The following ANKMY1 variants were observed in gnomAD, a reference collection of about 807,000 sequenced individuals.
ANKMY1 encodes the protein ankyrin repeat and MYND domain-containing protein 1.
In ANKMY1, 98 loss-of-function variants were observed where a neutral mutation model predicts 102.0. The observed-to-expected ratio is 0.96, with a 90% CI of 0.82 to 1.14. The LOEUF is 1.14. Ranked by LOEUF, ANKMY1 falls within the 50% of genes most tolerant of loss-of-function variation. The pLI, the probability that ANKMY1 is intolerant of heterozygous loss-of-function variation, is 0.00. For synonymous variants in ANKMY1, 582 were observed against 559.9 expected, an observed-to-expected ratio of 1.04 and a Z score of -0.56; for missense variants, 1,330 against 1,347.6, an observed-to-expected ratio of 0.99 and a Z score of 0.20.
the ANKMY1 span, among the ~76,000 whole-genome samples, chr2:240,470,402 C>CGCT: frequency 6.6e-6 from 1 of 152,236 alleles, no homozygotes; most frequent in Non-Finnish European, 1.5e-5. Flanking sequence ...GCTTCACAGA[C>CGCT]GCCAGGGCTG....
Position 240,500,011 on chromosome 2 carries a change from A to G in ANKMY1, c.2753T>C (p.Val918Ala), listed in dbSNP as rs1269542065. 1 of 1,613,018 alleles carries G rather than the reference A, an allele frequency of 6.2e-7. No homozygotes were observed. The highest frequency in any genetic ancestry group is 1.7e-5 in the Admixed American group (1 of 59,984). Residue 918 changes from valine to alanine, a missense_variant, in exon 15 of 18, where the codon GTC becomes GCC. Val to Ala is a moderately conservative substitution (Grantham distance 64, BLOSUM62 0). Transcript: ENST00000401804. Reference sequence around the variant, plus strand: ...GTCCCACTGGCTCTCCTTGGCAAAGACAGCCTGCCGTAGCTGCAAGCCCAT... The same window carrying G: ...GTCCCACTGGCTCTCCTTGGCAAAGGCAGCCTGCCGTAGCTGCAAGCCCAT... ...EYMGLQLRQA[V>A]FAKESQWDPT... is the part of the protein sequence containing the mutation.
intron 4 of ANKMY1, among the ~76,000 whole-genome samples, chr2:240,537,237 T>C (rs550889439): frequency 6.6e-6 from 1 of 150,808 alleles, no homozygotes; most frequent in Non-Finnish European, 1.5e-5. Context: ...TGTTTTTCCT[T>C]TCTTTACCTA....
chr2:240,474,263 T>G, the ANKMY1 span, among the ~76,000 whole-genome samples: 1 of 15,246 alleles, frequency 6.6e-5, no homozygotes, highest in Non-Finnish European at 1.5e-4. Context: ...GCCTGGCTAA[T>G]TTTTTTTTTT....
At chr2:240,526,675 T>C (rs2083493185) in intron 5 of ANKMY1, 1 of 1,423,088 alleles carries the variant, frequency 7.0e-7, no homozygotes, top group African/African-American at 1.4e-5. Context: ...ATGCTTGGGC[T>C]ATATGTCTGT....
intron 1 of ANKMY1, among the ~76,000 whole-genome samples, chr2:240,557,651 C>T (rs2092528573): frequency 6.6e-6 from 1 of 152,240 alleles, no homozygotes; most frequent in South Asian, 2.1e-4. Flanking sequence ...CCCGCACCCA[C>T]TATCGCCCAG....
In ANKMY1 at chr2:240,499,397, G is replaced by A. The variant is rs1370814123; in HGVS notation, c.2806+561C>T. Among the ~76,000 whole-genome samples the A allele has an allele frequency of 6.9e-6, 1 of 144,856 alleles. No individual in the cohort carries two copies. Among genetic ancestry groups the A allele is most frequent in the African/African-American group, 2.6e-5 (1 of 38,892 alleles). ...GGATGTGGGGGTAGGGAGTGACTAT[G>A]TGGGGGTGGGGGTGACCAGGTGGGT... On this transcript the variant is annotated intron_variant, in intron 15 of 17. Transcript: ENST00000401804. The surrounding 1 kb of genome is among the most constrained non-coding windows in gnomAD (Gnocchi z 4.2).
rs551304217 is a variant in ANKMY1 at position 240,511,117 on chromosome 2, C to A, written c.2286+744G>T. On this transcript the variant is annotated intron_variant, in intron 11 of 17. Transcript: ENST00000401804. Reference sequence around the variant, plus strand: ...TGAAGCAGGGAGGCCTGTCAGTGCCCCCACCTCCCCACCTCCCTGTCTGCC... The same window carrying A: ...TGAAGCAGGGAGGCCTGTCAGTGCCACCACCTCCCCACCTCCCTGTCTGCC... Among the ~76,000 whole-genome samples, 57 of 152,224 alleles carry A rather than the reference C, an allele frequency of 3.7e-4. 1 individual carries two copies. The South Asian group carries it at 0.012, about 32-fold the overall frequency.
Position 240,520,265 on chromosome 2 carries a change from C to A in ANKMY1, c.2004+97G>T. 1 of 1,485,770 alleles carries A rather than the reference C, an allele frequency of 6.7e-7. No individual in the cohort carries two copies. The highest frequency in any genetic ancestry group is 9.1e-7 in the Non-Finnish European group (1 of 1,104,308). 92.0% of individuals were successfully genotyped at this position (1,485,770 alleles called of 1,614,324 possible). A position where few individuals can be genotyped will look rare whatever the true frequency, so the allele number is the denominator to read the frequency against. ...CCAGGTGGTCGCCTGCAAGAGCCCACCCCTCTCTTCCGCGCCTAGGTGGAG... is the reference window on the plus strand; with the variant it reads ...CCAGGTGGTCGCCTGCAAGAGCCCAACCCTCTCTTCCGCGCCTAGGTGGAG... On this transcript the variant is annotated intron_variant, in intron 9 of 17. Transcript: ENST00000401804. The surrounding 1 kb of genome is among the most constrained non-coding windows in gnomAD (Gnocchi z 4.8).
intron 12 of ANKMY1, 56 bp from the exon 13 acceptor site, chr2:240,507,747 G>A (rs1327178074): frequency 1.9e-6 from 3 of 1,539,208 alleles, no homozygotes; most frequent in Non-Finnish European, 2.6e-6. Context: ...CCCTGACAGA[G>A]GGGAAGGCCC....
chr2:240,542,102 G>A (rs886220553), intron 4 of ANKMY1, among the ~76,000 whole-genome samples: 1 of 151,894 alleles, frequency 6.6e-6, no homozygotes, highest in Non-Finnish European at 1.5e-5. Flanking sequence ...CAGCTACTCA[G>A]GAGGCTGAGG....
At chr2:240,558,128 G>A (rs922997144), upstream of ANKMY1, 10 of 309,396 alleles carry the variant, frequency 3.2e-5, no homozygotes, top group South Asian at 5.1e-4. Flanking sequence ...GCTTGGGGCC[G>A]ACACCCCGCG....
In ANKMY1 at chr2:240,511,951, G is replaced by A. The variant is rs2080277069; in HGVS notation, c.2196C>T (p.Pro732=). ...SLKLSNEPGP[P]QAYYSTDTAL... ...CTGTGTCCGTGCTGTAGTAGGCTTG[G>A]GGAGGGCCTGGCTCATTGCTGAGCT... Residue 732 remains proline (P), a synonymous_variant, in exon 11 of 18, where the codon CCC becomes CCT. Coordinates refer to ENST00000401804, the MANE Select transcript of ANKMY1 (RefSeq NM_001282771.3). 6.4e-7 allele frequency: 1 copy of A among 1,568,898 alleles called. No homozygotes were observed. Among genetic ancestry groups the A allele is most frequent in the Non-Finnish European group, 8.6e-7 (1 of 1,165,446 alleles).
At chr2:240,476,776 C>A (rs539697971), downstream of ANKMY1, among the ~76,000 whole-genome samples, 3 of 152,336 alleles carry the variant, frequency 2.0e-5, no homozygotes, top group East Asian at 5.8e-4. Flanking sequence ...AGCAGTAATT[C>A]ATTAAAACGG....
At chr2:240,553,440 T>G in intron 3 of ANKMY1, 1 of 238,772 alleles carries the variant, frequency 4.2e-6, no homozygotes, top group Non-Finnish European at 8.4e-6. Context: ...GGTTCACAGG[T>G]GACAGGCTGG....
At position 240,526,294 on chromosome 2, in the gene ANKMY1, T is replaced by C; in HGVS notation, c.1105A>G (p.Lys369Glu). 6.2e-7 allele frequency: 1 copy of C among 1,614,200 alleles called. No individual in the cohort carries two copies. Among genetic ancestry groups the C allele is most frequent in the Non-Finnish European group, 8.5e-7 (1 of 1,180,034 alleles). ...GNHEWICRIL[K>E]DNFASADVAD... The stretch of plus-strand genomic sequence containing the variant: ...ACGTCAGCACTAGCAAAGTTGTCCT[T>C]CAGGATCCTACAAATCCATTCGTGG... Residue 369 changes from lysine (K) to glutamate (E), a missense_variant, in exon 6 of 18, where the codon AAG becomes GAG. Lys to Glu is a moderately conservative substitution (Grantham distance 56). Coordinates refer to ENST00000401804, the MANE Select transcript of ANKMY1 (RefSeq NM_001282771.3).
chr2:240,553,348 G>A, intron 3 of ANKMY1: 1 of 393,744 alleles, frequency 2.5e-6, no homozygotes, highest in Non-Finnish European at 4.8e-6. Context: ...GCACGGACAT[G>A]CCTTCTCCCT....
chr2:240,526,090 C>T (rs921851627), intron 6 of ANKMY1, 139 bp downstream of exon 6: 76 of 1,128,150 alleles, frequency 6.7e-5, no homozygotes, highest in African/African-American at 1.1e-4. Context: ...TGCTGAACGG[C>T]GAGGTGGAGG....
chr2:240,488,898 T>A (rs1175326260), intron 15 of ANKMY1, among the ~76,000 whole-genome samples: 1 of 152,222 alleles, frequency 6.6e-6, no homozygotes, highest in Non-Finnish European at 1.5e-5. Flanking sequence ...AGATATAGAA[T>A]AATATCATCA....
intron 15 of ANKMY1, among the ~76,000 whole-genome samples, chr2:240,493,457 T>C (rs895234519): frequency 1.2e-4 from 18 of 152,318 alleles, no homozygotes; most frequent in African/African-American, 4.1e-4. Context: ...TCTTTAACAG[T>C]TGCTTTTTCC....
Sources: gnomAD v4.1 joint callset for allele counts (sites outside exome capture counted in the v4.1 genomes callset) on GRCh38, gnomAD v4.1.1 for gene constraint, Gnocchi (gnomAD v3.1) non-coding constraint, MANE v1.5 for transcripts, NCBI Gene and HGNC (gene_info 2026-07-23, HGNC 2026-07-21) for gene names.